Variants in SHROOM3 observed in about 807,000 individuals in gnomAD.
SHROOM3 encodes shroom family member 3, also known as protein Shroom3.
In SHROOM3, 47 loss-of-function variants were observed where a neutral mutation model predicts 138.6. That is an observed-to-expected ratio of 0.34 (90% CI 0.27 to 0.43). The LOEUF (loss-of-function observed/expected upper bound fraction) is 0.43, where lower values mean the gene tolerates loss of function less well. Ranked by LOEUF, SHROOM3 falls within the 20% of genes least tolerant of loss-of-function variation. The pLI is 1.00. For missense variants in SHROOM3, 2,491 were observed against 2,596.5 expected, an observed-to-expected ratio of 0.96 and a Z score of 0.88; for synonymous variants, 1,062 against 1,063.3, an observed-to-expected ratio of 1.00 and a Z score of 0.02.
chr4:76,718,589 A>T (rs1213129963), intron 3 of SHROOM3, among the ~76,000 whole-genome samples: 1 of 152,146 alleles, frequency 6.6e-6, no homozygotes, highest in East Asian at 1.9e-4. Flanking sequence ...ATTGCCTCTA[A>T]TTTCTTACTT....
intron 10 of SHROOM3, among the ~76,000 whole-genome samples, chr4:76,774,727 T>G (rs531608335): frequency 3.3e-5 from 5 of 151,084 alleles, no homozygotes; most frequent in African/African-American, 9.7e-5. Context: ...TTTGTTTTTT[T>G]TTTTTTTAAG....
chr4:76,567,363 C>T (rs908100525), intron 2 of SHROOM3, among the ~76,000 whole-genome samples: 8 of 152,034 alleles, frequency 5.3e-5, no homozygotes, highest in African/African-American at 1.9e-4. Flanking sequence ...GGTGAAACCC[C>T]GTCTCAGCCG....
chr4:76,530,984 C>T (rs1246220918), intron 1 of SHROOM3, among the ~76,000 whole-genome samples: 1 of 152,134 alleles, frequency 6.6e-6, no homozygotes, highest in Admixed American at 6.5e-5. Context: ...ATTGCATTAG[C>T]CTAAAATGGC....
chr4:76,727,393 T>TAATC (rs1366307499), intron 3 of SHROOM3, among the ~76,000 whole-genome samples: 14 of 152,212 alleles, frequency 9.2e-5, no homozygotes, highest in Non-Finnish European at 1.8e-4. Context: ...GAAGGATTTC[T>TAATC]AATCATTGGA....
At chr4:76,667,189 G>A (rs1342512141) in intron 2 of SHROOM3, among the ~76,000 whole-genome samples, 1 of 152,158 alleles carries the variant, frequency 6.6e-6, no homozygotes, top group Non-Finnish European at 1.5e-5. Context: ...GAGTACAAGA[G>A]TAAAAGAGTT....
intron 2 of SHROOM3, among the ~76,000 whole-genome samples, chr4:76,580,324 C>A (rs1353086995): frequency 6.6e-6 from 1 of 152,204 alleles, no homozygotes; most frequent in East Asian, 1.9e-4. Flanking sequence ...CCATCTATGT[C>A]CCATTCCGAA....
chr4:76,716,250 G>A, intron 3 of SHROOM3: 3 of 507,528 alleles, frequency 5.9e-6, no homozygotes, highest in Non-Finnish European at 1.2e-5. Flanking sequence ...GGCGATTCAG[G>A]CCGTCCAACT....
chr4:76,661,114 TA>T (rs1276347278), intron 2 of SHROOM3, among the ~76,000 whole-genome samples: 1 of 152,206 alleles, frequency 6.6e-6, no homozygotes, highest in Non-Finnish European at 1.5e-5. Flanking sequence ...TTTTTAAAGA[TA>T]TTTTTATTGA....
chr4:76,672,807 G>A (rs1213867669), intron 2 of SHROOM3, among the ~76,000 whole-genome samples: 3 of 152,154 alleles, frequency 2.0e-5, no homozygotes, highest in African/African-American at 4.8e-5. Flanking sequence ...TCCTGACCTC[G>A]TGATCCGCCT....
chr4:76,439,851 T>A (rs543387631), intron 1 of SHROOM3, among the ~76,000 whole-genome samples: 1 of 152,302 alleles, frequency 6.6e-6, no homozygotes, highest in Non-Finnish European at 1.5e-5. Flanking sequence ...ATAGAATAAA[T>A]CATTTTTGAA....
intron 2 of SHROOM3, among the ~76,000 whole-genome samples, chr4:76,661,242 T>G (rs1196988611): frequency 6.6e-6 from 1 of 151,866 alleles, no homozygotes; most frequent in African/African-American, 2.4e-5. Context: ...TTCTTTTTTT[T>G]TTTTCTGAGA....
At position 76,759,708 on chromosome 4, in the gene SHROOM3, T is replaced by G; in HGVS notation, c.5349+13T>G. ...CAATGAAAAGAAGGTAAATAAAGAA[T>G]GGGATGCCCTTGTTCAGCTTTCCTC... is the stretch of plus-strand genomic sequence containing the variant. On this transcript the variant is annotated intron_variant, in intron 9 of 10. Coordinates refer to ENST00000296043, the MANE Select transcript of SHROOM3 (RefSeq NM_020859.4). 6.2e-7 allele frequency: 1 copy of G among 1,612,046 alleles called. No homozygotes were observed. The highest frequency in any genetic ancestry group is 8.5e-7 in the Non-Finnish European group (1 of 1,179,000).
At position 76,598,026 on chromosome 4, in the gene SHROOM3, C is replaced by CTT. The variant is rs11307449; in HGVS notation, c.323+42279_323+42280dup. On this transcript the variant is annotated intron_variant, in intron 2 of 10. Coordinates refer to ENST00000296043, the MANE Select transcript of SHROOM3 (RefSeq NM_020859.4). ...GAAAGTAGATGAGAAAAATCTATGA[C>CTT]TTTTTTTTTTTTTTTTTGAGATGGA... Among the ~76,000 whole-genome samples the CTT allele has an allele frequency of 4.4e-4, 60 of 137,648 alleles. 2 individuals carry two copies. The highest frequency in any genetic ancestry group is 5.8e-4 in the Admixed American group (8 of 13,792). 90.3% of individuals were successfully genotyped at this position (137,648 alleles called of 152,430 possible). A position where few individuals can be genotyped will look rare whatever the true frequency, so the allele number is the denominator to read the frequency against.
rs1293338963 is a variant in SHROOM3 at position 76,783,025 on chromosome 4, C to T, written c.*3848C>T. ...TCCTTGGAATGCTTGTTAAAAATAC[C>T]AATTGCTATGACAAAACCAAGTCTG... On this transcript the variant is annotated 3_prime_UTR_variant, in exon 11 of 11. Transcript: ENST00000296043. 1.3e-5 allele frequency: 2 copies of T among 152,082 alleles called. No individual in the cohort carries two copies. Among genetic ancestry groups the T allele is most frequent in the African/African-American group, 4.8e-5 (2 of 41,416 alleles). 9.4% of individuals were successfully genotyped at this position (152,082 alleles called of 1,614,324 possible).
intron 1 of SHROOM3, among the ~76,000 whole-genome samples, chr4:76,453,801 G>C (rs954509593): frequency 6.6e-6 from 1 of 152,090 alleles, no homozygotes; most frequent in Admixed American, 6.6e-5. Flanking sequence ...TGTGTGATTT[G>C]CAAATATTCT....
rs1363521361 is a variant in SHROOM3, at chr4:76,547,800, T to G, written c.169-7809T>G. ...CAAAAATTAACTGGATGTGGTAGCG[T>G]GCGCCTATAGTCCCAGCTACTCGAG... is the stretch of plus-strand genomic sequence containing the variant. On this transcript the variant is annotated intron_variant, in intron 1 of 10. Coordinates refer to ENST00000296043, the MANE Select transcript of SHROOM3 (RefSeq NM_020859.4). Among the ~76,000 whole-genome samples, 5 of 151,974 alleles carry G rather than the reference T, an allele frequency of 3.3e-5. No homozygotes were observed. The East Asian group carries it at 9.6e-4, about 29-fold the overall frequency.
chr4:76,464,949 G>A (rs891383265), intron 1 of SHROOM3, among the ~76,000 whole-genome samples: 12 of 152,140 alleles, frequency 7.9e-5, no homozygotes, highest in African/African-American at 2.9e-4. Flanking sequence ...CTTTATAGCA[G>A]TGTGAAAATG....
chr4:76,481,964 C>T (rs1731622598), intron 1 of SHROOM3, among the ~76,000 whole-genome samples: 1 of 152,112 alleles, frequency 6.6e-6, no homozygotes, highest in Admixed American at 6.5e-5. Flanking sequence ...CCCCTTCATG[C>T]TAAAAACTCT....
At chr4:76,673,676 A>T (rs925836455) in intron 2 of SHROOM3, among the ~76,000 whole-genome samples, 9 of 152,164 alleles carry the variant, frequency 5.9e-5, no homozygotes, top group Non-Finnish European at 1.2e-4. Context: ...GTTAAAAAAA[A>T]TTTTAATTGT....
Sources: allele counts gnomAD v4.1 joint callset (sites outside exome capture counted in the v4.1 genomes callset), GRCh38; gene constraint gnomAD v4.1.1; transcripts MANE v1.5; gene names NCBI Gene and HGNC (gene_info 2026-07-23, HGNC 2026-07-21).